The following MCM6 variants were observed in gnomAD, a reference collection of about 807,000 sequenced individuals.
The protein encoded by MCM6 is DNA replication licensing factor MCM6.
In MCM6, 46 loss-of-function variants were observed where a neutral mutation model predicts 94.3. The observed-to-expected ratio is 0.49, with a 90% CI of 0.39 to 0.62. The LOEUF (loss-of-function observed/expected upper bound fraction) is 0.62. Ranked by LOEUF, MCM6 falls within the 20% of genes least tolerant of loss-of-function variation. The probability of loss-of-function intolerance (pLI) is 0.00; values close to 1 mark genes in which losing one functional copy is unlikely to be tolerated. For synonymous variants in MCM6, 335 were observed against 351.9 expected (o/e 0.95, Z 0.54); for missense variants, 865 against 1,017.9 (o/e 0.85, Z 2.04).
chr2:135,857,000 C>T (rs537443683), intron 10 of MCM6, 117 bp from the exon 11 acceptor site: 42 of 849,426 alleles, frequency 4.9e-5, no homozygotes, highest in African/African-American at 6.9e-5. Context: ...AATGACATAC[C>T]CTTTTTCACA....
intron 11 of MCM6, 130 bp from the exon 12 acceptor site, chr2:135,853,045 C>CTT (rs1679806641): frequency 1.4e-6 from 1 of 704,556 alleles, no homozygotes; most frequent in East Asian, 3.1e-5. Flanking sequence ...TTAATGGGTA[C>CTT]CAAGTTTCTG....
chr2:135,846,471 T>C (rs1446506163), intron 14 of MCM6, 79 bp from the exon 15 acceptor site: 1 of 1,084,630 alleles, frequency 9.2e-7, no homozygotes. Flanking sequence ...AATACACTAC[T>C]TACATTTAAT....
intron 2 of MCM6, among the ~76,000 whole-genome samples, chr2:135,872,168 G>A (rs530419233): frequency 3.9e-5 from 6 of 152,248 alleles, no homozygotes; most frequent in South Asian, 2.1e-4. Flanking sequence ...AGCTCTGGCC[G>A]GGCACGGTGG....
intron 16 of MCM6, 108 bp downstream of exon 16, chr2:135,844,437 G>A (rs1161339735): frequency 8.5e-6 from 8 of 940,070 alleles, no homozygotes; most frequent in Non-Finnish European, 1.2e-5. Flanking sequence ...ACACTCCAAT[G>A]ATTCAAAACA....
rs4988219 is a variant in MCM6, at chr2:135,855,792, T to G, written c.1626+936A>C. Among the ~76,000 whole-genome samples the G allele has an allele frequency of 8.5e-3, 1,297 of 152,336 alleles. 92 individuals are homozygous for G. The East Asian group carries it at 0.18, about 21-fold the overall frequency. On this transcript the variant is annotated intron_variant, in intron 11 of 16. Coordinates refer to ENST00000264156, the MANE Select transcript of MCM6 (RefSeq NM_005915.6). ...TACCCAATAAAATGTAGAACCTCAATGCTGAATGATTTAAAAAGTACAGCC... is the reference window on the plus strand; with the variant it reads ...TACCCAATAAAATGTAGAACCTCAAGGCTGAATGATTTAAAAAGTACAGCC...
intron 8 of MCM6, among the ~76,000 whole-genome samples, chr2:135,859,833 T>G (rs1679956312): frequency 6.6e-6 from 1 of 152,008 alleles, no homozygotes; most frequent in African/African-American, 2.4e-5. Context: ...AGACACAGTC[T>G]TGCTCTGTCG....
At chr2:135,865,848 T>A (rs1429663115) in intron 6 of MCM6, among the ~76,000 whole-genome samples, 1 of 152,212 alleles carries the variant, frequency 6.6e-6, no homozygotes, top group East Asian at 1.9e-4. Context: ...TATCATTTCG[T>A]GGCAGCTCAG....
At chr2:135,860,122 TA>T (rs1331599998) in intron 8 of MCM6, among the ~76,000 whole-genome samples, 1 of 147,254 alleles carries the variant, frequency 6.8e-6, no homozygotes, top group Non-Finnish European at 1.5e-5. Flanking sequence ...CAATTTTATT[TA>T]TTTTTTAATT....
At chr2:135,848,808 C>T (rs990087841) in intron 13 of MCM6, among the ~76,000 whole-genome samples, 1 of 152,084 alleles carries the variant, frequency 6.6e-6, no homozygotes, top group Non-Finnish European at 1.5e-5. Flanking sequence ...TCGCTTGAAC[C>T]TGGGAGGCAG....
intron 3 of MCM6, 113 bp from the exon 4 acceptor site, chr2:135,868,973 G>C: frequency 9.6e-7 from 1 of 1,038,166 alleles, no homozygotes; most frequent in East Asian, 2.5e-5. Context: ...AAATTCAAGA[G>C]ACAAGGTATT....
intron 15 of MCM6, among the ~76,000 whole-genome samples, chr2:135,844,902 G>A (rs1390084281): frequency 1.3e-5 from 2 of 152,158 alleles, no homozygotes; most frequent in Admixed American, 6.5e-5. Context: ...TTATCCATAA[G>A]GAGAGAAACC....
intron 16 of MCM6, among the ~76,000 whole-genome samples, chr2:135,842,274 C>T (rs1361711316): frequency 6.6e-6 from 1 of 152,114 alleles, no homozygotes; most frequent in Non-Finnish European, 1.5e-5. Context: ...AACTCTGGAC[C>T]CTGATCTGAG....
intron 14 of MCM6, 24 bp downstream of exon 14, chr2:135,848,029 C>T (rs760041890): frequency 1.3e-6 from 2 of 1,583,222 alleles, no homozygotes; most frequent in East Asian, 2.3e-5. Flanking sequence ...AACTCCAAAA[C>T]AGTCACATGA....
chr2:135,876,222 C>G (rs757565423), intron 1 of MCM6, 37 bp downstream of exon 1: 2 of 1,523,594 alleles, frequency 1.3e-6, no homozygotes, highest in East Asian at 2.5e-5. Context: ...CCGCAGGCTC[C>G]GGAGGCGGGC....
intron 2 of MCM6, among the ~76,000 whole-genome samples, chr2:135,872,362 C>T (rs1250858466): frequency 1.3e-5 from 2 of 152,086 alleles, no homozygotes; most frequent in Non-Finnish European, 2.9e-5. Context: ...GCAGAAGAAT[C>T]GCTTGAACCC....
intron 2 of MCM6, among the ~76,000 whole-genome samples, chr2:135,871,058 G>A (rs1301116118): frequency 1.3e-5 from 2 of 152,222 alleles, no homozygotes; most frequent in East Asian, 3.9e-4. Context: ...TGGCTGGTTT[G>A]ATAAGAAATG....
intron 11 of MCM6, among the ~76,000 whole-genome samples, chr2:135,854,094 G>C (rs566201873): frequency 6.6e-6 from 1 of 152,188 alleles, no homozygotes; most frequent in African/African-American, 2.4e-5. Context: ...GGGCATGGGG[G>C]CCTGCACCTG....
rs776218993 is a variant in MCM6, at chr2:135,862,647, T to C, written c.1180A>G (p.Ile394Val). Residue 394 changes from isoleucine to valine, a missense_variant, in exon 8 of 17, where the codon ATT becomes GTT. Physicochemically the swap from Ile to Val is conservative, Grantham distance 29 (BLOSUM62 3). Coordinates refer to ENST00000264156, the MANE Select transcript of MCM6 (RefSeq NM_005915.6). ...TSLRGDINVC[I>V]VGDPSTAKSQ... ...TTAGCTGTACTTGGGTCACCAACAATGCAAACATTTATGTCCCCTCGAAGA... is the reference window on the plus strand; with the variant it reads ...TTAGCTGTACTTGGGTCACCAACAACGCAAACATTTATGTCCCCTCGAAGA... 61 of 1,614,218 alleles carry C rather than the reference T, an allele frequency of 3.8e-5. 1 individual carries two copies. The East Asian group carries it at 1.3e-3, about 35-fold the overall frequency.
chr2:135,842,050 A>T (rs1406130095), intron 16 of MCM6, among the ~76,000 whole-genome samples: 3 of 152,160 alleles, frequency 2.0e-5, no homozygotes, highest in African/African-American at 7.2e-5. Flanking sequence ...AGTTGCGGCG[A>T]GCTGAGATCA....
Sources: gnomAD v4.1 joint callset for allele counts (sites outside exome capture counted in the v4.1 genomes callset) on GRCh38, gnomAD v4.1.1 for gene constraint, MANE v1.5 for transcripts, NCBI Gene and HGNC (gene_info 2026-07-23, HGNC 2026-07-21) for gene names.